INSC: variants seen among roughly 807,000 people sequenced by gnomAD.
INSC encodes the protein protein inscuteable homolog.
Under a neutral mutation model 58.6 loss-of-function variants are expected in INSC, and 67 were observed. The ratio of observed to expected loss-of-function variants is 1.14; its 90% CI spans 0.94 to 1.40. The LOEUF (loss-of-function observed/expected upper bound fraction) is 1.40, where lower values mean the gene tolerates loss of function less well. Ranked by LOEUF, INSC falls within the 40% of genes most tolerant of loss-of-function variation. The probability of loss-of-function intolerance (pLI) is 0.00; values close to 1 mark genes in which losing one functional copy is unlikely to be tolerated. For synonymous variants in INSC, 262 were observed against 276.1 expected, an observed-to-expected ratio of 0.95 and a Z score of 0.51; for missense variants, 714 against 692.0, an observed-to-expected ratio of 1.03 and a Z score of -0.36.
intron 1 of INSC, among the ~76,000 whole-genome samples, chr11:15,146,323 C>G (rs991716560): frequency 2.0e-5 from 3 of 152,212 alleles, no homozygotes; most frequent in African/African-American, 7.2e-5. Flanking sequence ...AGGACTGTTC[C>G]TAATCCCACA....
chr11:15,227,030 G>C (rs1362487012), intron 9 of INSC, among the ~76,000 whole-genome samples: 1 of 152,182 alleles, frequency 6.6e-6, no homozygotes, highest in Non-Finnish European at 1.5e-5. Flanking sequence ...CTAAGCATTT[G>C]CGTATGAGGG....
chr11:15,187,895 G>A (rs1037095179), intron 5 of INSC, among the ~76,000 whole-genome samples: 4 of 152,124 alleles, frequency 2.6e-5, no homozygotes, highest in Non-Finnish European at 4.4e-5. Flanking sequence ...TGATTTTGTA[G>A]AGACTGTGTC....
chr11:15,179,701 G>C (rs1404546683), intron 5 of INSC, among the ~76,000 whole-genome samples: 1 of 152,250 alleles, frequency 6.6e-6, no homozygotes, highest in African/African-American at 2.4e-5. Context: ...CTGGGGTGCT[G>C]GGGCAGCACT....
intron 1 of INSC, among the ~76,000 whole-genome samples, chr11:15,145,759 C>T (rs1252013701): frequency 6.6e-6 from 1 of 152,218 alleles, no homozygotes; most frequent in Non-Finnish European, 1.5e-5. Flanking sequence ...TTCCTGAGGG[C>T]TGTGTCACTG....
chr11:15,247,733 G>GTGTATATATATATATATATATATATA (rs1852605032), downstream of INSC, among the ~76,000 whole-genome samples: 1 of 127,458 alleles, frequency 7.8e-6, no homozygotes, highest in Non-Finnish European at 1.7e-5. Flanking sequence ...TAGAAATAAG[G>GTGTATATATATATATATATATATATA]TATATATATA....
chr11:15,160,223 A>C (rs1404541834), intron 2 of INSC, among the ~76,000 whole-genome samples: 1 of 152,236 alleles, frequency 6.6e-6, no homozygotes, highest in East Asian at 1.9e-4. Context: ...GGAGTCACAA[A>C]GGACTCCTTC....
chr11:15,148,560 G>A, intron 1 of INSC, among the ~76,000 whole-genome samples: 1 of 152,146 alleles, frequency 6.6e-6, no homozygotes, highest in South Asian at 2.1e-4. Flanking sequence ...GCCTATTTCT[G>A]AACCAATCAC....
intron 9 of INSC, among the ~76,000 whole-genome samples, chr11:15,227,956 T>C (rs575092777): frequency 4.1e-4 from 62 of 152,336 alleles, no homozygotes; most frequent in African/African-American, 1.5e-3. Context: ...TTTGAGGCTT[T>C]TTTGCTATTA....
At position 15,175,902 on chromosome 11, in the gene INSC, C is replaced by A. The variant is rs868831953; in HGVS notation, c.218C>A (p.Pro73His). The change falls in exon 3 of 13, where the codon CCC becomes CAC. Residue 73 changes from proline to histidine, a missense_variant. Transcript: ENST00000379556. ...GCAGGTGGCCCTGGCCCTGGAGACC[C>A]CCTGCAGCTGCTGCTCAAACGGGGT... ...ILAGGPGPGDPLQLLLKRGWV... is the reference protein window; with the variant it reads ...ILAGGPGPGDHLQLLLKRGWV... 1.2e-6 allele frequency: 2 copies of A among 1,614,158 alleles called. No homozygotes were observed. The highest frequency in any genetic ancestry group is 1.7e-6 in the Non-Finnish European group (2 of 1,180,000).
chr11:15,195,039 G>A (rs1850318919), intron 6 of INSC, among the ~76,000 whole-genome samples: 1 of 152,198 alleles, frequency 6.6e-6, no homozygotes, highest in South Asian at 2.1e-4. Context: ...TCTCTTTTGG[G>A]AGTCATTTAA....
At chr11:15,157,593 C>A (rs1035659569) in intron 2 of INSC, among the ~76,000 whole-genome samples, 1 of 152,098 alleles carries the variant, frequency 6.6e-6, no homozygotes, top group South Asian at 2.1e-4. Flanking sequence ...AGCAGCAAAT[C>A]CAGTAGGAGA....
chr11:15,251,306 C>T (rs750202404), downstream of INSC, among the ~76,000 whole-genome samples: 3 of 152,176 alleles, frequency 2.0e-5, no homozygotes, highest in East Asian at 1.9e-4. Context: ...TACAACTCTT[C>T]GAAGTAAACA....
At chr11:15,186,831 T>A (rs141572532) in intron 5 of INSC, among the ~76,000 whole-genome samples, 167 of 152,308 alleles carry the variant, frequency 1.1e-3, no homozygotes, top group African/African-American at 3.8e-3. Context: ...TGATGATCTC[T>A]GTGGTCTTTT....
chr11:15,216,962 T>A (rs1851243122), intron 7 of INSC, among the ~76,000 whole-genome samples: 1 of 152,250 alleles, frequency 6.6e-6, no homozygotes. Flanking sequence ...CTGAAGTTGT[T>A]ACTTTTAGGC....
At chr11:15,157,486 T>C (rs1020552210) in intron 2 of INSC, among the ~76,000 whole-genome samples, 1 of 152,192 alleles carries the variant, frequency 6.6e-6, no homozygotes, top group African/African-American at 2.4e-5. Flanking sequence ...CTGAGGACAA[T>C]TGACCCACTG....
chr11:15,140,583 C>T (rs1348909216), intron 1 of INSC, among the ~76,000 whole-genome samples: 18 of 140,570 alleles, frequency 1.3e-4, no homozygotes, highest in African/African-American at 2.3e-4. Context: ...TTTCTTTCTT[C>T]TTTTTTTTTT....
intron 1 of INSC, among the ~76,000 whole-genome samples, chr11:15,116,925 T>C (rs61877965): frequency 4.7e-4 from 47 of 100,454 alleles, no homozygotes; most frequent in African/African-American, 1.0e-3. Context: ...CCCTCCCTCC[T>C]TCCTTCCTTC....
intron 7 of INSC, among the ~76,000 whole-genome samples, chr11:15,207,820 G>A (rs1236058284): frequency 1.3e-5 from 2 of 152,178 alleles, no homozygotes; most frequent in Non-Finnish European, 2.9e-5. Flanking sequence ...TCACCATTAT[G>A]CCCATTTGCT....
chr11:15,222,320 A>G (rs919409770), intron 8 of INSC, among the ~76,000 whole-genome samples: 1 of 152,212 alleles, frequency 6.6e-6, no homozygotes, highest in South Asian at 2.1e-4. Flanking sequence ...TTCTTTTAAA[A>G]GTGCTAACGG....
Sources: allele counts gnomAD v4.1 joint callset (sites outside exome capture counted in the v4.1 genomes callset), GRCh38; gene constraint gnomAD v4.1.1; transcripts MANE v1.5; gene names NCBI Gene and HGNC (gene_info 2026-07-23, HGNC 2026-07-21).